The following CACHD1 variants were observed in gnomAD, a reference collection of about 807,000 sequenced individuals.
CACHD1 encodes VWFA and cache domain-containing protein 1.
CACHD1 carries 71 observed loss-of-function variants against 138.7 expected under a neutral mutation model. That is an observed-to-expected ratio of 0.51 (90% CI 0.42 to 0.62). CACHD1 has a LOEUF of 0.62. Ranked by LOEUF, CACHD1 falls within the 20% of genes least tolerant of loss-of-function variation. The probability of loss-of-function intolerance (pLI) is 0.00; values close to 1 mark genes in which losing one functional copy is unlikely to be tolerated. For missense variants in CACHD1, 1,389 were observed against 1,625.3 expected (o/e 0.85, Z 2.50); for synonymous variants, 578 against 591.5 (o/e 0.98, Z 0.33).
At chr1:64,535,584 C>G (rs879414358) in intron 1 of CACHD1, among the ~76,000 whole-genome samples, 29 of 152,114 alleles carry the variant, frequency 1.9e-4, no homozygotes, top group Admixed American at 3.3e-4. Context: ...CTCAGCCTCC[C>G]AAAGTGTTGG....
chr1:64,605,959 G>C (rs571607301), intron 4 of CACHD1, among the ~76,000 whole-genome samples: 140 of 152,146 alleles, frequency 9.2e-4, no homozygotes, highest in Non-Finnish European at 1.1e-3. Context: ...CTGGGGAGTG[G>C]CCTCTCTAGT....
chr1:64,564,667 G>A (rs1646867211), intron 2 of CACHD1, among the ~76,000 whole-genome samples: 1 of 152,140 alleles, frequency 6.6e-6, no homozygotes, highest in South Asian at 2.1e-4. Flanking sequence ...CTTGGGTAAG[G>A]CCTAGAAGGA....
At chr1:64,616,432 C>A (rs1437372090) in intron 4 of CACHD1, among the ~76,000 whole-genome samples, 1 of 152,030 alleles carries the variant, frequency 6.6e-6, no homozygotes, top group Admixed American at 6.5e-5. Flanking sequence ...AAAGGTGAAC[C>A]CTGGGCACTT....
At chr1:64,533,335 G>A (rs749141460) in intron 1 of CACHD1, among the ~76,000 whole-genome samples, 1 of 152,212 alleles carries the variant, frequency 6.6e-6, no homozygotes, top group Non-Finnish European at 1.5e-5. Flanking sequence ...CAGCCTGGGT[G>A]ACAGAGTGAG....
rs1463179698 is a variant in CACHD1 at position 64,681,539 on chromosome 1, G to GTGGTTTTTTTT, written c.3484+206_3484+207insGTTTTTTTTTG. ...TTAGAGAATCTCAAAAGATTTTATT[G>GTGGTTTTTTTT]TGTTTTTTTTTTTTTTTTTTTTTTT... On this transcript the variant is annotated intron_variant, in intron 25 of 26. Coordinates refer to ENST00000651257, the MANE Select transcript of CACHD1 (RefSeq NM_020925.4). Among the ~76,000 whole-genome samples, 471 of 62,952 alleles carry GTGGTTTTTTTT rather than the reference G, an allele frequency of 7.5e-3. 23 individuals are homozygous for GTGGTTTTTTTT. The highest frequency in any genetic ancestry group is 0.053 in the East Asian group (65 of 1,224). 41.3% of individuals were successfully genotyped at this position (62,952 alleles called of 152,430 possible). A position where few individuals can be genotyped will look rare whatever the true frequency, so the allele number is the denominator to read the frequency against.
At chr1:64,650,986 G>C (rs986439881) in intron 9 of CACHD1, among the ~76,000 whole-genome samples, 2 of 151,870 alleles carry the variant, frequency 1.3e-5, no homozygotes, top group Non-Finnish European at 2.9e-5. Context: ...CAGCAGGGAA[G>C]CCAGGAGGAG....
At chr1:64,672,601 T>C (rs929883203) in intron 17 of CACHD1, among the ~76,000 whole-genome samples, 2 of 152,208 alleles carry the variant, frequency 1.3e-5, no homozygotes, top group African/African-American at 4.8e-5. Context: ...AAAACCTGTA[T>C]ATGTAAGGTT....
chr1:64,498,753 C>A (rs74080202), intron 1 of CACHD1, among the ~76,000 whole-genome samples: 4 of 152,180 alleles, frequency 2.6e-5, no homozygotes, highest in Non-Finnish European at 5.9e-5. Flanking sequence ...GGACTGACAT[C>A]TACAACTCAG....
At chr1:64,578,950 C>G (rs1465073598) in intron 2 of CACHD1, among the ~76,000 whole-genome samples, 1 of 152,098 alleles carries the variant, frequency 6.6e-6, no homozygotes, top group African/African-American at 2.4e-5. Context: ...AAAGGGTAGA[C>G]CTGTTAAAGA....
At chr1:64,519,314 G>A (rs1411045782) in intron 1 of CACHD1, among the ~76,000 whole-genome samples, 1 of 152,138 alleles carries the variant, frequency 6.6e-6, no homozygotes, top group African/African-American at 2.4e-5. Context: ...TTGAGGTAGT[G>A]GAGCCTTTCG....
chr1:64,478,503 T>C (rs1646189718), intron 1 of CACHD1, among the ~76,000 whole-genome samples: 1 of 152,166 alleles, frequency 6.6e-6, no homozygotes, highest in Non-Finnish European at 1.5e-5. Context: ...GAGGAAGAGC[T>C]GGACTAATAT....
chr1:64,615,342 C>T (rs1647674118), intron 4 of CACHD1, among the ~76,000 whole-genome samples: 1 of 152,192 alleles, frequency 6.6e-6, no homozygotes, highest in Admixed American at 6.5e-5. Context: ...AGCAGGGCTT[C>T]TACACAGTGT....
At chr1:64,658,898 A>T (rs752705094) in intron 13 of CACHD1, 25 bp downstream of exon 13, 4 of 1,517,164 alleles carry the variant, frequency 2.6e-6, no homozygotes. Flanking sequence ...CTTCCTTCAC[A>T]TTCTTACTCT....
chr1:64,494,568 A>G (rs1415091532), intron 1 of CACHD1, among the ~76,000 whole-genome samples: 3 of 152,178 alleles, frequency 2.0e-5, no homozygotes, highest in Non-Finnish European at 4.4e-5. Context: ...GGAAGCTCCA[A>G]TCTAGAATTT....
At chr1:64,508,053 G>A (rs746780127) in intron 1 of CACHD1, among the ~76,000 whole-genome samples, 8 of 152,200 alleles carry the variant, frequency 5.3e-5, no homozygotes, top group Non-Finnish European at 1.0e-4. Flanking sequence ...AACCGTGGTG[G>A]AAGGTGAGGG....
At chr1:64,665,048 A>G (rs75496898) in intron 15 of CACHD1, among the ~76,000 whole-genome samples, 8,844 of 152,250 alleles carry the variant, frequency 0.058, 351 homozygotes, top group East Asian at 0.2. Context: ...AAAAATGAAC[A>G]CACAAATTCA....
chr1:64,524,854 C>T (rs371673350), intron 1 of CACHD1, among the ~76,000 whole-genome samples: 7 of 152,186 alleles, frequency 4.6e-5, no homozygotes, highest in East Asian at 1.9e-4. Context: ...TACTGCTTTC[C>T]GAATATTGCT....
At chr1:64,497,564 G>GA (rs941522617) in intron 1 of CACHD1, among the ~76,000 whole-genome samples, 39 of 151,808 alleles carry the variant, frequency 2.6e-4, no homozygotes, top group African/African-American at 8.5e-4. Context: ...TATAGTTCAG[G>GA]AAAAAAAATA....
intron 4 of CACHD1, among the ~76,000 whole-genome samples, chr1:64,605,185 G>A (rs892148365): frequency 4.0e-5 from 6 of 151,548 alleles, no homozygotes; most frequent in Non-Finnish European, 5.9e-5. Flanking sequence ...GGCTGGTCTC[G>A]AACTCCTAAA....
Sources: gnomAD v4.1 joint callset for allele counts (sites outside exome capture counted in the v4.1 genomes callset) on GRCh38, gnomAD v4.1.1 for gene constraint, MANE v1.5 for transcripts, NCBI Gene and HGNC (gene_info 2026-07-23, HGNC 2026-07-21) for gene names.